The following HSF2 variants were observed in gnomAD, a reference collection of about 807,000 sequenced individuals.
The protein encoded by HSF2 is heat shock transcription factor 2, also known as heat shock factor protein 2.
In HSF2, 21 loss-of-function variants were observed where a neutral mutation model predicts 65.0. The observed-to-expected ratio is 0.32, with a 90% CI of 0.23 to 0.47. The LOEUF (loss-of-function observed/expected upper bound fraction) is 0.47, where lower values mean the gene tolerates loss of function less well. Among genes scored for constraint, HSF2 ranks in the 20% least tolerant of loss-of-function variants. HSF2 has a pLI of 1.00. For missense variants in HSF2, 499 were observed against 628.1 expected (o/e 0.79, Z 2.20); for synonymous variants, 225 against 219.1 (o/e 1.03, Z -0.24).
intron 12 of HSF2, 83 bp from the exon 13 acceptor site, chr6:122,431,842 T>C (rs1774476717): frequency 8.3e-7 from 1 of 1,206,050 alleles, no homozygotes; most frequent in Non-Finnish European, 1.2e-6. Flanking sequence ...TGCCTATGTG[T>C]ACATCTCTGT....
Position 122,432,268 on chromosome 6 carries a change from AC to A in HSF2, c.*49del. Reference sequence around the variant, plus strand: ...ATGTATATATTCATCAAAATGATGAACTATTTATTTTAAAGTATCATTTGGT... The same window carrying A: ...ATGTATATATTCATCAAAATGATGAATATTTATTTTAAAGTATCATTTGGT... On this transcript the variant is annotated 3_prime_UTR_variant, in exon 13 of 13. Coordinates refer to ENST00000368455, the MANE Select transcript of HSF2 (RefSeq NM_004506.4). 8 of 1,411,838 alleles carry A rather than the reference AC, an allele frequency of 5.7e-6. No homozygotes were observed. Among genetic ancestry groups the A allele is most frequent in the Non-Finnish European group, 7.8e-6 (8 of 1,028,692 alleles). 87.5% of individuals were successfully genotyped at this position (1,411,838 alleles called of 1,614,324 possible).
intron 1 of HSF2, among the ~76,000 whole-genome samples, chr6:122,403,102 C>T (rs910887518): frequency 2.0e-5 from 3 of 151,480 alleles, no homozygotes; most frequent in Non-Finnish European, 4.4e-5. Flanking sequence ...TTTTGGAAAA[C>T]GCAGTTGGTA....
intron 10 of HSF2, among the ~76,000 whole-genome samples, chr6:122,425,113 GTAGT>G (rs1363974767): frequency 6.6e-6 from 1 of 151,920 alleles, no homozygotes; most frequent in Non-Finnish European, 1.5e-5. Context: ...TCTGCCTTCA[GTAGT>G]TAGAGATCTG....
chr6:122,399,668 T>TGCCGTAGCTCC lies in HSF2; in HGVS notation c.-61_-60insCCGCCGTAGCT. On this transcript the variant is annotated 5_prime_UTR_variant, in exon 1 of 13. Transcript: ENST00000368455. ...GTTGTGGGCGTTCTCGGGGAGCTGC[T>TGCCGTAGCTCC]GCCGTAGCTGCCGCCGCCGCTACCA... 1 of 1,238,818 alleles carries TGCCGTAGCTCC rather than the reference T, an allele frequency of 8.1e-7. No homozygotes were observed. Among genetic ancestry groups the TGCCGTAGCTCC allele is most frequent in the Non-Finnish European group, 1.2e-6 (1 of 854,962 alleles). The allele number at this position is 1,238,818 out of a possible 1,614,324, so 76.7% of individuals were successfully genotyped here. A position where few individuals can be genotyped will look rare whatever the true frequency, so the allele number is the denominator to read the frequency against.
intron 10 of HSF2, among the ~76,000 whole-genome samples, chr6:122,426,696 C>T (rs1774345835): frequency 6.6e-6 from 1 of 152,044 alleles, no homozygotes; most frequent in South Asian, 2.1e-4. Context: ...AGAGAGGAAT[C>T]AGTGTCTAGA....
At chr6:122,404,302 A>G (rs1773812614) in intron 1 of HSF2, among the ~76,000 whole-genome samples, 1 of 152,244 alleles carries the variant, frequency 6.6e-6, no homozygotes, top group African/African-American at 2.4e-5. Flanking sequence ...CCCAGCAACC[A>G]TTGCATTATA....
rs1271142280 is a variant in HSF2 at position 122,427,954 on chromosome 6, AAAGT to A, written c.1230+3_1230+6del. On this transcript the variant is annotated splice_donor_variant and coding_sequence_variant, in exon 11 of 13. Transcript: ENST00000368455. LOFTEE classifies it high-confidence loss of function. ...TCCCACAGATTACATCAATAATACA[AAAGT>A]AAGTTTTAATTCATGTTGCTCAGGA... 6.3e-7 allele frequency: 1 copy of A among 1,594,338 alleles called. No homozygotes were observed. Among genetic ancestry groups the A allele is most frequent in the Non-Finnish European group, 8.6e-7 (1 of 1,165,504 alleles).
chr6:122,413,839 A>G (rs1774058241), intron 4 of HSF2, among the ~76,000 whole-genome samples, 190 bp downstream of exon 4: 1 of 152,088 alleles, frequency 6.6e-6, no homozygotes, highest in Non-Finnish European at 1.5e-5. Context: ...CTTTACTCTA[A>G]TATTGTTTTA....
intron 1 of HSF2, among the ~76,000 whole-genome samples, chr6:122,406,225 A>G (rs923687365): frequency 6.6e-6 from 1 of 152,216 alleles, no homozygotes; most frequent in Non-Finnish European, 1.5e-5. Flanking sequence ...GCCCATAAAC[A>G]GACTAGGATT....
rs772866273 is a variant in HSF2 at position 122,432,003 on chromosome 6, C to T, written c.1394C>T (p.Ala465Val). The change falls in exon 13 of 13, where the codon GCG becomes GTG. Residue 465 changes from alanine (A) to valine (V), a missense_variant. Physicochemically the swap from Ala to Val is moderately conservative, Grantham distance 64. Coordinates refer to ENST00000368455, the MANE Select transcript of HSF2 (RefSeq NM_004506.4). ...AACCCTGCTTCTTCTGTTGAACAGG[C>T]GAGTACAACAGCATCATCAGAAGTT... ...DGNPASSVEQASTTASSEVLS... is the reference protein window; with the variant it reads ...DGNPASSVEQVSTTASSEVLS... 6.8e-6 allele frequency: 11 copies of T among 1,613,754 alleles called. No individual in the cohort carries two copies. Among genetic ancestry groups the T allele is most frequent in the South Asian group, 4.4e-5 (4 of 91,080 alleles).
chr6:122,428,379 CTTAT>C (rs753403097), intron 11 of HSF2, among the ~76,000 whole-genome samples: 14 of 151,562 alleles, frequency 9.2e-5, no homozygotes, highest in Non-Finnish European at 1.8e-4. Flanking sequence ...TTCAGGAATT[CTTAT>C]TTATTGCAGA....
At position 122,399,668 on chromosome 6, in the gene HSF2, T is replaced by TGCCGTAGCTGCCGCC. The variant is rs1773666272; in HGVS notation, c.-65_-51dup. 8.1e-7 allele frequency: 1 copy of TGCCGTAGCTGCCGCC among 1,238,818 alleles called. No homozygotes were observed. The highest frequency in any genetic ancestry group is 1.5e-5 in the African/African-American group (1 of 66,144). 76.7% of individuals were successfully genotyped at this position (1,238,818 alleles called of 1,614,324 possible). On this transcript the variant is annotated 5_prime_UTR_variant, in exon 1 of 13. Transcript: ENST00000368455. ...GTTGTGGGCGTTCTCGGGGAGCTGCTGCCGTAGCTGCCGCCGCCGCTACCA... is the reference window on the plus strand; with the variant it reads ...GTTGTGGGCGTTCTCGGGGAGCTGCTGCCGTAGCTGCCGCCGCCGTAGCTGCCGCCGCCGCTACCA...
chr6:122,420,790 C>T (rs1774219365), intron 7 of HSF2, among the ~76,000 whole-genome samples: 1 of 126,448 alleles, frequency 7.9e-6, no homozygotes, highest in Non-Finnish European at 1.6e-5. Flanking sequence ...TGGCTCACTG[C>T]AGCCTCCACC....
At chr6:122,412,866 C>A (rs2114433138) in intron 3 of HSF2, 102 bp downstream of exon 3, 4 of 1,075,940 alleles carry the variant, frequency 3.7e-6, no homozygotes, top group East Asian at 2.5e-5. Context: ...CACAACTGTT[C>A]CTTGTTGGGA....
In HSF2 at chr6:122,432,129, C is replaced by T. The variant is rs1488798770; in HGVS notation, c.1520C>T (p.Thr507Ile). ...AAGCTTGTTCGCCTGGAGCCATTGA[C>T]TGAAGCTGAAGCTAGTGAAGCTACA... ...QSKLVRLEPLTEAEASEATLF... is the reference protein window; with the variant it reads ...QSKLVRLEPLIEAEASEATLF... Residue 507 changes from threonine (T) to isoleucine (I), a missense_variant, in exon 13 of 13, where the codon ACT (threonine) becomes ATT (isoleucine). Around this residue, in one of 2 missense-constraint regions of HSF2, gnomAD observed 349 missense variants for 393.5 expected, o/e 0.89. Coordinates refer to ENST00000368455, the MANE Select transcript of HSF2 (RefSeq NM_004506.4). The T allele has an allele frequency of 1.9e-6, 3 of 1,614,146 alleles. No homozygotes were observed. Among genetic ancestry groups the T allele is most frequent in the East Asian group, 2.2e-5 (1 of 44,880 alleles).
rs149745624 is a variant in HSF2 at position 122,412,441 on chromosome 6, G to A, written c.162G>A (p.Lys54=). The A allele has an allele frequency of 3.7e-6, 6 of 1,612,180 alleles. No homozygotes were observed. The African/African-American group carries it at 4.0e-5, about 11-fold the overall frequency. Residue 54 remains lysine, a synonymous_variant, in exon 2 of 13, where the codon AAG becomes AAA. Coordinates refer to ENST00000368455, the MANE Select transcript of HSF2 (RefSeq NM_004506.4). ...FAKEILPKYF[K]HNNMASFVRQ... ...AAGAAATTCTTCCCAAATATTTCAA[G>A]CACAATAATATGGCAAGCTTTGTGA...
intron 1 of HSF2, among the ~76,000 whole-genome samples, chr6:122,407,940 C>T (rs745845635): frequency 2.7e-5 from 4 of 146,600 alleles, no homozygotes; most frequent in African/African-American, 5.0e-5. Context: ...CAGCTGCCTT[C>T]TCTCTGTGTC....
intron 5 of HSF2, among the ~76,000 whole-genome samples, chr6:122,417,753 C>T (rs935709415): frequency 1.3e-5 from 2 of 152,032 alleles, no homozygotes; most frequent in Non-Finnish European, 2.9e-5. Context: ...TTAATTTAGC[C>T]AGTGATTGAT....
chr6:122,406,325 A>T (rs1420391764), intron 1 of HSF2, among the ~76,000 whole-genome samples: 1 of 152,156 alleles, frequency 6.6e-6, no homozygotes, highest in African/African-American at 2.4e-5. Flanking sequence ...AGATGGGCCA[A>T]AGGGGAATGA....
Sources: gnomAD v4.1 joint callset for allele counts (sites outside exome capture counted in the v4.1 genomes callset) on GRCh38, gnomAD v4.1.1 for gene constraint, gnomAD v4.1.1 regional missense constraint, MANE v1.5 for transcripts, NCBI Gene and HGNC (gene_info 2026-07-23, HGNC 2026-07-21) for gene names.